LTBP1: variants seen among roughly 807,000 people sequenced by gnomAD.
LTBP1 encodes the protein latent-transforming growth factor beta-binding protein 1.
Under a neutral mutation model 207.6 loss-of-function variants are expected in LTBP1, and 129 were observed. That is an observed-to-expected ratio of 0.62 (90% CI 0.54 to 0.72). The LOEUF (loss-of-function observed/expected upper bound fraction) is 0.72. Among genes scored for constraint, LTBP1 ranks in the 30% least tolerant of loss-of-function variants. The pLI is 0.00. For missense variants in LTBP1, 2,281 were observed against 2,217.2 expected, an observed-to-expected ratio of 1.03 and a Z score of -0.58; for synonymous variants, 963 against 833.7, an observed-to-expected ratio of 1.16 and a Z score of -2.67.
intron 23 of LTBP1, among the ~76,000 whole-genome samples, chr2:33,313,403 C>A (rs1431830539): frequency 6.6e-6 from 1 of 152,190 alleles, no homozygotes; most frequent in Non-Finnish European, 1.5e-5. Flanking sequence ...AAAAGAAGAG[C>A]TTCAGGAGAT....
chr2:33,373,551 G>T (rs907911820), intron 31 of LTBP1, among the ~76,000 whole-genome samples: 2 of 152,070 alleles, frequency 1.3e-5, no homozygotes, highest in Admixed American at 6.5e-5. Flanking sequence ...TGTGCTATAG[G>T]GGAATAGAAG....
At chr2:33,367,600 A>G (rs1403718335) in intron 31 of LTBP1, among the ~76,000 whole-genome samples, 1 of 152,194 alleles carries the variant, frequency 6.6e-6, no homozygotes, top group Non-Finnish European at 1.5e-5. Flanking sequence ...GAGAACGTTC[A>G]GTATTTGACT....
At position 33,361,484 on chromosome 2, in the gene LTBP1, A is replaced by G; in HGVS notation, c.4239A>G (p.Ser1413=). The change falls in exon 28 of 34, where the codon TCA becomes TCG. Residue 1413 remains serine (S), a synonymous_variant. Coordinates refer to ENST00000404816, the MANE Select transcript of LTBP1 (RefSeq NM_206943.4). ...AAGGTTTTGTGCCTGCTGGAGAATC[A>G]TCTTCTGAAGCTGGTGGTGAGAACT... is the stretch of plus-strand genomic sequence containing the variant. The part of the protein sequence containing the change: ...KGKGFVPAGE[S]SSEAGGENYK... The G allele has an allele frequency of 6.2e-7, 1 of 1,613,082 alleles. No homozygotes were observed. Among genetic ancestry groups the G allele is most frequent in the Non-Finnish European group, 8.5e-7 (1 of 1,179,672 alleles).
chr2:33,371,115 AG>A (rs1484814170), intron 31 of LTBP1, among the ~76,000 whole-genome samples: 2 of 152,202 alleles, frequency 1.3e-5, no homozygotes, highest in Non-Finnish European at 2.9e-5. Context: ...GCTTTACATA[AG>A]GAGAATTGCA....
intron 3 of LTBP1, among the ~76,000 whole-genome samples, chr2:33,083,393 G>T (rs904172058): frequency 6.6e-6 from 1 of 152,062 alleles, no homozygotes; most frequent in Non-Finnish European, 1.5e-5. Flanking sequence ...CAGTTGAGGC[G>T]GGTCTTAGAC....
At chr2:33,387,198 A>G (rs60989076) in intron 31 of LTBP1, among the ~76,000 whole-genome samples, 4,320 of 152,308 alleles carry the variant, frequency 0.028, 198 homozygotes, top group African/African-American at 0.098. Flanking sequence ...AAAATATGGA[A>G]CAAGTCTGTC....
At chr2:32,992,717 G>T (rs1684613151) in intron 2 of LTBP1, among the ~76,000 whole-genome samples, 1 of 152,164 alleles carries the variant, frequency 6.6e-6, no homozygotes, top group Admixed American at 6.5e-5. Flanking sequence ...ACTCTGCCTG[G>T]TACACAGCAG....
intron 5 of LTBP1, among the ~76,000 whole-genome samples, chr2:33,160,765 A>G (rs901438039): frequency 6.6e-6 from 1 of 152,168 alleles, no homozygotes; most frequent in African/African-American, 2.4e-5. Flanking sequence ...TAGAAGGTAG[A>G]TTTTATTTTA....
At chr2:33,047,204 T>G (rs536186958) in intron 3 of LTBP1, among the ~76,000 whole-genome samples, 2 of 152,328 alleles carry the variant, frequency 1.3e-5, no homozygotes, top group East Asian at 3.9e-4. Flanking sequence ...AATTGTGATG[T>G]TAGGGTGTTG....
At chr2:33,299,049 G>A (rs1393516824) in intron 20 of LTBP1, among the ~76,000 whole-genome samples, 4 of 152,110 alleles carry the variant, frequency 2.6e-5, no homozygotes, top group Non-Finnish European at 4.4e-5. Context: ...AACGAGGCAG[G>A]CGGATCATGA....
chr2:33,071,774 G>C (rs1189686449), intron 3 of LTBP1, among the ~76,000 whole-genome samples: 6 of 152,100 alleles, frequency 3.9e-5, no homozygotes, highest in African/African-American at 1.2e-4. Context: ...GGGTCGTCTG[G>C]GGATTCTTCT....
intron 20 of LTBP1, among the ~76,000 whole-genome samples, chr2:33,296,104 C>T (rs2093870122): frequency 1.3e-5 from 2 of 152,170 alleles, no homozygotes; most frequent in African/African-American, 4.8e-5. Context: ...ATTATTTCTT[C>T]CCCCATACAC....
intron 7 of LTBP1, among the ~76,000 whole-genome samples, chr2:33,200,163 G>T (rs1364522170): frequency 6.6e-6 from 1 of 152,044 alleles, no homozygotes; most frequent in Non-Finnish European, 1.5e-5. Context: ...AGCCCACATT[G>T]CCAAGTCAAT....
Position 33,021,580 on chromosome 2 carries a change from AAC to A in LTBP1, c.863+376_863+377del, listed in dbSNP as rs536735620. On this transcript the variant is annotated intron_variant, in intron 3 of 33. Coordinates refer to ENST00000404816, the MANE Select transcript of LTBP1 (RefSeq NM_206943.4). ...TTTGAAATAATAATTTAAAAAAAGA[AAC>A]AGTGTTATTTTTAAAGTTATCTGGA... is the stretch of plus-strand genomic sequence containing the variant. Among the ~76,000 whole-genome samples the A allele has an allele frequency of 1.1e-3, 160 of 152,306 alleles. 1 individual carries two copies. Among genetic ancestry groups the A allele is most frequent in the African/African-American group, 3.5e-3 (147 of 41,548 alleles).
chr2:33,169,706 T>A (rs2085249300), intron 5 of LTBP1, among the ~76,000 whole-genome samples: 1 of 152,102 alleles, frequency 6.6e-6, no homozygotes. Flanking sequence ...GGAAATAGAT[T>A]GACAAAGATG....
chr2:33,190,137 C>G (rs576367000), intron 7 of LTBP1, among the ~76,000 whole-genome samples: 45 of 152,266 alleles, frequency 3.0e-4, no homozygotes, highest in Non-Finnish European at 1.2e-4. Flanking sequence ...GCAAAATTTT[C>G]TTTAAAACTC....
chr2:33,238,005 AT>A (rs1374241840), intron 9 of LTBP1, among the ~76,000 whole-genome samples: 1 of 152,080 alleles, frequency 6.6e-6, no homozygotes, highest in Non-Finnish European at 1.5e-5. Context: ...CCTTCGTGGT[AT>A]GTCTACCCAG....
intron 2 of LTBP1, among the ~76,000 whole-genome samples, chr2:32,987,452 G>A (rs219146): frequency 0.4 from 60,490 of 151,842 alleles, 13,978 homozygotes; most frequent in East Asian, 0.69. Context: ...AGGAATTCTC[G>A]TAGTTAGTGA....
chr2:33,283,390 A>C (rs902636373), intron 19 of LTBP1, among the ~76,000 whole-genome samples: 1 of 148,016 alleles, frequency 6.8e-6, no homozygotes, highest in Non-Finnish European at 1.5e-5. Flanking sequence ...TTTTTGCCCC[A>C]ATTGTTAATG....
Sources: allele counts gnomAD v4.1 joint callset (sites outside exome capture counted in the v4.1 genomes callset), GRCh38; gene constraint gnomAD v4.1.1; transcripts MANE v1.5; gene names NCBI Gene and HGNC (gene_info 2026-07-23, HGNC 2026-07-21).